The following TXNDC5 variants were observed in gnomAD, a reference collection of about 807,000 sequenced individuals.
TXNDC5 encodes thioredoxin domain containing 5, also known as thioredoxin domain-containing protein 5.
In TXNDC5, 44 loss-of-function variants were observed where a neutral mutation model predicts 52.6. The observed-to-expected ratio is 0.84, with a 90% CI of 0.66 to 1.08. The LOEUF (loss-of-function observed/expected upper bound fraction) is 1.08. Ranked by LOEUF, TXNDC5 falls within the 50% of genes least tolerant of loss-of-function variation. The pLI is 0.00. For synonymous variants in TXNDC5, 241 were observed against 234.4 expected (o/e 1.03, Z -0.26); for missense variants, 600 against 565.5 (o/e 1.06, Z -0.62).
rs574377175 is a variant in TXNDC5 at position 7,899,367 on chromosome 6, C to T, written c.519+209G>A. Among the ~76,000 whole-genome samples the T allele has an allele frequency of 2.6e-5, 4 of 152,300 alleles. No homozygotes were observed. In the East Asian group the frequency reaches 7.7e-4, roughly 29 times the overall value. ...TTAGCCTTCTCTTGACTTTTGTGCA[C>T]ATTTAGGTATTTCCACACCAAAAAG... On this transcript the variant is annotated intron_variant, in intron 3 of 9. Transcript: ENST00000379757.
intron 2 of TXNDC5, among the ~76,000 whole-genome samples, chr6:7,904,290 A>C (rs2113366014): frequency 6.6e-6 from 1 of 152,268 alleles, no homozygotes; most frequent in South Asian, 2.1e-4. Flanking sequence ...GTCCATGCAC[A>C]CTGTGTAAAA....
intron 2 of TXNDC5, among the ~76,000 whole-genome samples, chr6:7,900,712 G>A (rs1283127477): frequency 6.6e-6 from 1 of 152,188 alleles, no homozygotes; most frequent in African/African-American, 2.4e-5. Context: ...CTGAGATCAA[G>A]GTGCCAGCAG....
Position 7,882,892 on chromosome 6 carries a change from A to AG in TXNDC5, c.*251dup, listed in dbSNP as rs1491240582. Reference sequence around the variant, plus strand: ...GTAAATTTCATCAAGAGAAGGTCAAAGGGGATATATCGCCACTGAAAATGT... The same window carrying AG: ...GTAAATTTCATCAAGAGAAGGTCAAAGGGGGATATATCGCCACTGAAAATGT... On this transcript the variant is annotated 3_prime_UTR_variant, in exon 10 of 10. Transcript: ENST00000379757. 3.4e-5 allele frequency: 14 copies of AG among 406,020 alleles called. No individual in the cohort carries two copies. The highest frequency in any genetic ancestry group is 4.8e-5 in the Non-Finnish European group (11 of 227,836). The allele number at this position is 406,020 out of a possible 1,614,324, so 25.2% of individuals were successfully genotyped here.
In TXNDC5 at chr6:7,904,696, C is replaced by T. The variant is rs778695114; in HGVS notation, c.291G>A (p.Pro97=). 22 of 1,614,198 alleles carry T rather than the reference C, an allele frequency of 1.4e-5. No homozygotes were observed. Among genetic ancestry groups the T allele is most frequent in the Admixed American group, 8.3e-5 (5 of 60,022 alleles). The change falls in exon 2 of 10, where the codon CCG becomes CCA. Residue 97 remains proline (P), a synonymous_variant. Coordinates refer to ENST00000379757, the MANE Select transcript of TXNDC5 (RefSeq NM_030810.5). The part of the protein sequence containing the change: ...PWCGHCQRLQ[P]TWNDLGDKYN... Reference sequence around the variant, plus strand: ...ATTTGTCTCCCAGGTCATTCCAAGTCGGCTGCAGCCGCTGGCAGTGTCCAC... The same window carrying T: ...ATTTGTCTCCCAGGTCATTCCAAGTTGGCTGCAGCCGCTGGCAGTGTCCAC...
chr6:7,910,765 G>A lies in TXNDC5; in HGVS notation c.12C>T (p.Arg4=). ...CCAGCAGCGGGAGGAGGCGTCCTGG[G>A]CGCGCGGGCATCGCGGCGGGGCTGG... MPA[R]PGRLLPLLAR... is the part of the protein sequence containing the mutation. The change falls in exon 1 of 10, where the codon CGC becomes CGT. Residue 4 remains arginine, a synonymous_variant. Coordinates refer to ENST00000379757, the MANE Select transcript of TXNDC5 (RefSeq NM_030810.5). 2.0e-6 allele frequency: 2 copies of A among 995,748 alleles called. No individual in the cohort carries two copies. Among genetic ancestry groups the A allele is most frequent in the Non-Finnish European group, 2.4e-6 (2 of 839,088 alleles). 61.7% of individuals were successfully genotyped at this position (995,748 alleles called of 1,614,324 possible).
At chr6:7,891,351 G>A (rs1760183947) in intron 5 of TXNDC5, among the ~76,000 whole-genome samples, 3 of 152,076 alleles carry the variant, frequency 2.0e-5, no homozygotes, top group Admixed American at 1.3e-4. Flanking sequence ...TTTGCAGAAC[G>A]GGCTCTGGGG....
chr6:7,894,113 C>T (rs941188850), intron 4 of TXNDC5, among the ~76,000 whole-genome samples: 4 of 152,038 alleles, frequency 2.6e-5, no homozygotes, highest in African/African-American at 9.7e-5. Context: ...TCATTAAATT[C>T]TGGGTTTTGT....
rs144589063 is a variant in TXNDC5 at position 7,904,596 on chromosome 6, G to A, written c.391C>T (p.Gln131Ter). Residue 131 changes from glutamine to a stop codon, truncating the protein, a stop_gained, in exon 2 of 10, where the codon CAG (glutamine) becomes TAG (stop). Coordinates refer to ENST00000379757, the MANE Select transcript of TXNDC5 (RefSeq NM_030810.5). LOFTEE classifies it high-confidence loss of function. ...TACGTGGGGTATCCTCGCACCCCCTGGGCGGAGCACACGTCGGAGTGGGCC... is the reference window on the plus strand; with the variant it reads ...TACGTGGGGTATCCTCGCACCCCCTAGGCGGAGCACACGTCGGAGTGGGCC... ...CTAHSDVCSAQGVRGYPTLKL... is the reference protein window; with the variant it reads ...CTAHSDVCSA The A allele has an allele frequency of 1.2e-5, 20 of 1,614,090 alleles. No homozygotes were observed. In the African/African-American group the frequency reaches 2.3e-4, roughly 18 times the overall value.
intron 8 of TXNDC5, among the ~76,000 whole-genome samples, chr6:7,885,740 T>C (rs767180508): frequency 1.3e-5 from 2 of 152,168 alleles, no homozygotes; most frequent in Non-Finnish European, 1.5e-5. Flanking sequence ...TCAAAGTTGA[T>C]ATAACTGTAG....
intron 3 of TXNDC5, among the ~76,000 whole-genome samples, chr6:7,899,299 G>A (rs1330580754): frequency 6.6e-6 from 1 of 152,224 alleles, no homozygotes; most frequent in East Asian, 1.9e-4. Flanking sequence ...GGGTGGTGGG[G>A]AAGACAAACA....
At chr6:7,891,236 G>T (rs968519931) in intron 5 of TXNDC5, among the ~76,000 whole-genome samples, 2 of 152,158 alleles carry the variant, frequency 1.3e-5, no homozygotes, top group African/African-American at 4.8e-5. Flanking sequence ...GTGCTTGGGG[G>T]AGCACAGAGC....
intron 2 of TXNDC5, among the ~76,000 whole-genome samples, chr6:7,901,524 C>T (rs935420654): frequency 3.9e-5 from 6 of 152,172 alleles, no homozygotes; most frequent in African/African-American, 9.7e-5. Flanking sequence ...GACTGATAAT[C>T]GTTCTAACCT....
At chr6:7,888,542 G>A (rs1398891683) in intron 7 of TXNDC5, among the ~76,000 whole-genome samples, 163 bp downstream of exon 7, 1 of 149,960 alleles carries the variant, frequency 6.7e-6, no homozygotes, top group Non-Finnish European at 1.5e-5. Flanking sequence ...GAAAGTCGAT[G>A]AAAAATACGT....
chr6:7,888,220 C>A (rs1298534270), intron 7 of TXNDC5, among the ~76,000 whole-genome samples: 1 of 152,208 alleles, frequency 6.6e-6, no homozygotes, highest in African/African-American at 2.4e-5. Flanking sequence ...ACTGCCTAGG[C>A]AGGTTACAGC....
chr6:7,906,266 G>A (rs528556154), intron 1 of TXNDC5, among the ~76,000 whole-genome samples: 1 of 150,362 alleles, frequency 6.7e-6, no homozygotes, highest in African/African-American at 2.4e-5. Flanking sequence ...AGCCGGGTGT[G>A]GTGGCTCACA....
At chr6:7,909,985 C>T in intron 1 of TXNDC5, 2 of 986,192 alleles carry the variant, frequency 2.0e-6, no homozygotes, top group Non-Finnish European at 2.4e-6. Flanking sequence ...TGGGCAGGGA[C>T]CGCGGGGTGA....
At position 7,888,666 on chromosome 6, in the gene TXNDC5, G is replaced by A. The variant is rs143994913; in HGVS notation, c.963+39C>T. ...GGGGAGGTGGGGGGCCGGGGGCCAC[G>A]GGCCACTTATGGGGATCCCGACTCC... On this transcript the variant is annotated intron_variant, in intron 7 of 9. Transcript: ENST00000379757. 2,777 of 1,578,072 alleles carry A rather than the reference G, an allele frequency of 1.8e-3. 38 individuals are homozygous for A. In the African/African-American group the frequency reaches 0.028, roughly 16 times the overall value.
At position 7,910,780 on chromosome 6, in the gene TXNDC5, G is replaced by A; in HGVS notation, c.-4C>T. ...GGCGTCCTGGGCGCGCGGGCATCGC[G>A]GCGGGGCTGGGCGCGCTCTCGCCGC... is the stretch of plus-strand genomic sequence containing the variant. On this transcript the variant is annotated 5_prime_UTR_variant, in exon 1 of 10. Coordinates refer to ENST00000379757, the MANE Select transcript of TXNDC5 (RefSeq NM_030810.5). 2.0e-6 allele frequency: 2 copies of A among 986,048 alleles called. No individual in the cohort carries two copies. The highest frequency in any genetic ancestry group is 2.4e-6 in the Non-Finnish European group (2 of 832,008). The allele number at this position is 986,048 out of a possible 1,614,324, so 61.1% of individuals were successfully genotyped here.
At chr6:7,904,544 AG>A in intron 2 of TXNDC5, 29 bp downstream of exon 2, 1 of 1,610,494 alleles carries the variant, frequency 6.2e-7, no homozygotes, top group Non-Finnish European at 8.5e-7. Flanking sequence ...GGAGCCACCT[AG>A]GAAGTGTGCC....
Sources: allele counts gnomAD v4.1 joint callset (sites outside exome capture counted in the v4.1 genomes callset), GRCh38; gene constraint gnomAD v4.1.1; transcripts MANE v1.5; gene names NCBI Gene and HGNC (gene_info 2026-07-23, HGNC 2026-07-21).